Variants in ITGB6 observed in about 807,000 individuals in gnomAD.
The protein encoded by ITGB6 is integrin beta-6.
In ITGB6, 80 loss-of-function variants were observed where a neutral mutation model predicts 84.5. The ratio of observed to expected loss-of-function variants is 0.95; its 90% confidence interval spans 0.79 to 1.14. The LOEUF (loss-of-function observed/expected upper bound fraction) is 1.14. ITGB6 is among the 50% of genes most tolerant of loss of function. ITGB6 has a pLI of 0.00. For missense variants in ITGB6, 1,006 were observed against 968.0 expected (o/e 1.04, Z -0.52); for synonymous variants, 383 against 354.9 (o/e 1.08, Z -0.89).
chr2:160,178,390 C>T (rs1685521589), intron 4 of ITGB6, among the ~76,000 whole-genome samples: 1 of 152,192 alleles, frequency 6.6e-6, no homozygotes, highest in Non-Finnish European at 1.5e-5. Context: ...TCATACCATA[C>T]CGAAATGACA....
chr2:160,169,127 C>T, intron 7 of ITGB6, 85 bp downstream of exon 7: 1 of 755,732 alleles, frequency 1.3e-6, no homozygotes, highest in African/African-American at 1.7e-5. Flanking sequence ...AATGGCCTTC[C>T]CATGTGTTAA....
Position 160,197,065 on chromosome 2 carries a change from A to G in ITGB6, c.142-645T>C, listed in dbSNP as rs530018904. On this transcript the variant is annotated intron_variant, in intron 2 of 14. Coordinates refer to ENST00000283249, the MANE Select transcript of ITGB6 (RefSeq NM_000888.5). ...TGACCTCTTGTGGACTTAAACCCAG[A>G]GTCTTGAAGTATCCTAGTTCAAGAT... 3.9e-5 allele frequency among the ~76,000 whole-genome samples: 6 copies of G among 152,294 alleles called. No individual in the cohort carries two copies. The East Asian group carries it at 1.2e-3, about 29-fold the overall frequency.
intron 7 of ITGB6, among the ~76,000 whole-genome samples, chr2:160,164,966 GT>G (rs1405372630): frequency 2.0e-5 from 3 of 152,148 alleles, no homozygotes; most frequent in African/African-American, 4.8e-5. Context: ...TCTAAGGGAT[GT>G]TTTCATTAAT....
chr2:160,192,929 C>G (rs535338634), intron 4 of ITGB6, among the ~76,000 whole-genome samples: 4 of 152,152 alleles, frequency 2.6e-5, no homozygotes, highest in African/African-American at 9.6e-5. Context: ...ATTAAAGCTA[C>G]AATGAGATGC....
chr2:160,136,646 C>A (rs1683737225), intron 10 of ITGB6, among the ~76,000 whole-genome samples: 1 of 152,204 alleles, frequency 6.6e-6, no homozygotes, highest in Non-Finnish European at 1.5e-5. Flanking sequence ...GACTTGGAAC[C>A]AACCCAAATG....
intron 7 of ITGB6, among the ~76,000 whole-genome samples, chr2:160,143,493 A>G (rs1006339431): frequency 2.6e-5 from 4 of 152,134 alleles, no homozygotes; most frequent in Admixed American, 2.6e-4. Flanking sequence ...TCTATTTACT[A>G]TTGCATTTGA....
At chr2:160,166,659 A>G (rs1304300294) in intron 7 of ITGB6, among the ~76,000 whole-genome samples, 1 of 152,232 alleles carries the variant, frequency 6.6e-6, no homozygotes, top group Non-Finnish European at 1.5e-5. Context: ...ACTAGAATGT[A>G]ATATACTACC....
intron 10 of ITGB6, among the ~76,000 whole-genome samples, chr2:160,131,743 G>C (rs141900750): frequency 2.5e-4 from 38 of 152,286 alleles, no homozygotes; most frequent in African/African-American, 7.2e-4. Context: ...GAAGTTTTCT[G>C]AGTCTAGCTA....
chr2:160,108,393 G>T (rs1559082613), intron 13 of ITGB6, among the ~76,000 whole-genome samples: 1 of 152,080 alleles, frequency 6.6e-6, no homozygotes, highest in Non-Finnish European at 1.5e-5. Context: ...ACAATGATGG[G>T]TTTCAGTTCT....
chr2:160,126,443 G>A lies in ITGB6; in HGVS notation c.1819C>T (p.Pro607Ser). The A allele has an allele frequency of 1.9e-6, 3 of 1,614,122 alleles. No individual in the cohort carries two copies. Among genetic ancestry groups the A allele is most frequent in the Non-Finnish European group, 2.5e-6 (3 of 1,180,020 alleles). ...TCACAGGTTGGTCCTGAGGCTCCAG[G>A]GTTTGTGCAAACACACTTGCCACAA... Reference protein sequence around the residue: ...CVCGKCVCTNPGASGPTCERC... With the variant: ...CVCGKCVCTNSGASGPTCERC... The change falls in exon 11 of 15, where the codon CCT (proline) becomes TCT (serine). Residue 607 changes from proline (P) to serine (S), a missense_variant. By Grantham distance (74) the Pro-to-Ser change is moderately conservative. Transcript: ENST00000283249.
At chr2:160,160,506 C>G (rs557299882) in intron 7 of ITGB6, among the ~76,000 whole-genome samples, 1 of 152,206 alleles carries the variant, frequency 6.6e-6, no homozygotes, top group African/African-American at 2.4e-5. Context: ...TCTGAAGATT[C>G]AATAATGCCA....
chr2:160,169,112 T>C, intron 7 of ITGB6, 100 bp downstream of exon 7: 1 of 688,790 alleles, frequency 1.5e-6, no homozygotes, highest in South Asian at 1.9e-5. Flanking sequence ...TGTTAATGAT[T>C]ATCTAATGGC....
chr2:160,178,689 T>TCTC (rs373599476), intron 4 of ITGB6, among the ~76,000 whole-genome samples: 28 of 55,366 alleles, frequency 5.1e-4, no homozygotes, highest in African/African-American at 1.3e-3. Flanking sequence ...TCTCTCTCTC[T>TCTC]TTTTTTTTTT....
At chr2:160,119,202 C>T (rs1316791695) in intron 12 of ITGB6, among the ~76,000 whole-genome samples, 4 of 152,148 alleles carry the variant, frequency 2.6e-5, no homozygotes, top group African/African-American at 7.2e-5. Context: ...GAGCCCGCGT[C>T]ACCAAGTCAA....
At chr2:160,172,505 A>C (rs1396702823) in intron 6 of ITGB6, 64 bp downstream of exon 6, 1 of 1,413,536 alleles carries the variant, frequency 7.1e-7, no homozygotes, top group Non-Finnish European at 9.8e-7. Flanking sequence ...CATGTATTAC[A>C]CTAGTTGTTG....
Position 160,168,997 on chromosome 2 carries a change from C to A in ITGB6, c.1017+215G>T, listed in dbSNP as rs534790231. On this transcript the variant is annotated intron_variant, in intron 7 of 14. Transcript: ENST00000283249. ...ATTTCCTTAACTCAGTCTTTCTCATCCCACCTTATTAGTTCCCCATGCCCT... is the reference window on the plus strand; with the variant it reads ...ATTTCCTTAACTCAGTCTTTCTCATACCACCTTATTAGTTCCCCATGCCCT... Among the ~76,000 whole-genome samples the A allele has an allele frequency of 3.5e-4, 53 of 152,296 alleles. 1 individual carries two copies. Among genetic ancestry groups the A allele is most frequent in the African/African-American group, 1.3e-3 (53 of 41,568 alleles).
intron 7 of ITGB6, among the ~76,000 whole-genome samples, chr2:160,147,097 A>G (rs1316417314): frequency 6.6e-6 from 1 of 151,532 alleles, no homozygotes; most frequent in African/African-American, 2.4e-5. Context: ...AAAAAAAAAA[A>G]AAAAGAAAGA....
intron 7 of ITGB6, among the ~76,000 whole-genome samples, chr2:160,150,957 A>C (rs1684391028): frequency 6.6e-6 from 1 of 152,210 alleles, no homozygotes; most frequent in South Asian, 2.1e-4. Context: ...TCATAAAGCA[A>C]GTCCTTAGAA....
At position 160,137,510 on chromosome 2, in the gene ITGB6, G is replaced by A; in HGVS notation, c.1584C>T (p.Pro528=). 6.2e-7 allele frequency: 1 copy of A among 1,614,178 alleles called. No homozygotes were observed. The highest frequency in any genetic ancestry group is 8.5e-7 in the Non-Finnish European group (1 of 1,180,002). The change falls in exon 10 of 15, where the codon CCC becomes CCT. Residue 528 remains proline, a synonymous_variant. Coordinates refer to ENST00000283249, the MANE Select transcript of ITGB6 (RefSeq NM_000888.5). ...AATAAGGCCCATAAATGTTTCCATA[G>A]GGAGACAAGTGGCAGATACACTGCC... ...YCGQCICHLS[P]YGNIYGPYCQ...
Sources: gnomAD v4.1 joint callset for allele counts (sites outside exome capture counted in the v4.1 genomes callset) on GRCh38, gnomAD v4.1.1 for gene constraint, MANE v1.5 for transcripts, NCBI Gene and HGNC (gene_info 2026-07-23, HGNC 2026-07-21) for gene names.